The following PCDHGA6 variants were observed in gnomAD, a reference collection of about 807,000 sequenced individuals.
PCDHGA6 encodes the protein protocadherin gamma subfamily A, 6.
A neutral mutation model predicts 60.6 loss-of-function variants in PCDHGA6; 41 were observed. That is an observed-to-expected ratio of 0.68 (90% confidence interval 0.53 to 0.88). The LOEUF (loss-of-function observed/expected upper bound fraction) is 0.88. Among genes scored for constraint, PCDHGA6 ranks in the 40% least tolerant of loss-of-function variants. The probability of loss-of-function intolerance (pLI) is 0.00; values close to 1 mark genes in which losing one functional copy is unlikely to be tolerated. For synonymous variants in PCDHGA6, 594 were observed against 524.4 expected, an observed-to-expected ratio of 1.13 and a Z score of -1.81; for missense variants, 1,312 against 1,203.0, an observed-to-expected ratio of 1.09 and a Z score of -1.34.
At position 141,477,758 on chromosome 5, in the gene PCDHGA6, G is replaced by A; in HGVS notation, c.2425-17049G>A. 2 of 1,613,924 alleles carry A rather than the reference G, an allele frequency of 1.2e-6. No homozygotes were observed. The highest frequency in any genetic ancestry group is 1.7e-5 in the Admixed American group (1 of 60,022). On this transcript the variant is annotated intron_variant, in intron 1 of 3. Transcript: ENST00000517434. The surrounding 1 kb of genome is among the most constrained non-coding windows in gnomAD (Gnocchi z 4.9). ...CAGCGATGGGGGCACCCCGGTCCTA[G>A]CCACCAACATCAGCGTGAACATATT...
At chr5:141,399,515 C>G (rs748098945) in intron 1 of PCDHGA6, 1 of 1,614,040 alleles carries the variant, frequency 6.2e-7, no homozygotes, top group Non-Finnish European at 8.5e-7. Context: ...AACAACCCTC[C>G]TGGGGCCTCC....
intron 1 of PCDHGA6, chr5:141,388,455 T>C: frequency 6.2e-7 from 1 of 1,613,784 alleles, no homozygotes; most frequent in South Asian, 1.1e-5. Flanking sequence ...TGGCAGTAAA[T>C]ACCCTGAGAT....
intron 1 of PCDHGA6, chr5:141,414,917 T>A: frequency 6.2e-7 from 1 of 1,614,148 alleles, no homozygotes; most frequent in Non-Finnish European, 8.5e-7. Context: ...GGCGTGGAGC[T>A]GGCGCCCCGC....
rs763067110 is a variant in PCDHGA6, at chr5:141,375,730, C to G, written c.1647C>G (p.Ser549Arg). 3 of 1,614,266 alleles carry G rather than the reference C, an allele frequency of 1.9e-6. No homozygotes were observed. The highest frequency in any genetic ancestry group is 2.5e-6 in the Non-Finnish European group (3 of 1,180,050). Residue 549 changes from serine (S) to arginine (R), a missense_variant, in exon 1 of 4, where the codon AGC (serine) becomes AGG (arginine). Physicochemically the swap from Ser to Arg is moderately radical, Grantham distance 110. Transcript: ENST00000517434. ...DPPLSSNVSL[S>R]LFVLDQNDNA... ...CTCTTAGCAGCAACGTGTCACTGAG[C>G]CTGTTTGTGCTGGACCAGAATGACA...
At chr5:141,385,196 G>A (rs760255338) in intron 1 of PCDHGA6, 3 of 1,614,230 alleles carry the variant, frequency 1.9e-6, no homozygotes, top group Non-Finnish European at 2.5e-6. Context: ...TCTCGGAAGA[G>A]TCACCTGATC....
In PCDHGA6 at chr5:141,406,055, T is replaced by C. The variant is rs2094752189; in HGVS notation, c.2424+29548T>C. 5.3e-5 allele frequency among the ~76,000 whole-genome samples: 8 copies of C among 150,380 alleles called. No individual in the cohort carries two copies. In the South Asian group the frequency reaches 1.5e-3, roughly 28 times the overall value. On this transcript the variant is annotated intron_variant, in intron 1 of 3. Transcript: ENST00000517434. ...CTTCATTGGTTGCAGTGGACTCATA[T>C]CATAAAATTCTTACTCCTTTTTTTT...
chr5:141,416,016 G>C (rs190922355), intron 1 of PCDHGA6: 29 of 227,390 alleles, frequency 1.3e-4, no homozygotes, highest in Non-Finnish European at 2.2e-4. Context: ...GAATAGGTAA[G>C]TATCAGAAAG....
chr5:141,408,720 A>T, intron 1 of PCDHGA6: 1 of 1,611,332 alleles, frequency 6.2e-7, no homozygotes, highest in Non-Finnish European at 8.5e-7. Context: ...TATAAGATAA[A>T]CTCTAATCCT....
Position 141,512,147 on chromosome 5 carries a change from GGCTGA to G in PCDHGA6, c.*978_*982del, listed in dbSNP as rs1406468661. The G allele has an allele frequency of 1.3e-5, 2 of 152,652 alleles. No homozygotes were observed. Among genetic ancestry groups the G allele is most frequent in the Admixed American group, 6.5e-5 (1 of 15,286 alleles). The allele number at this position is 152,652 out of a possible 1,614,324, so 9.5% of individuals were successfully genotyped here. A position where few individuals can be genotyped will look rare whatever the true frequency, so the allele number is the denominator to read the frequency against. On this transcript the variant is annotated 3_prime_UTR_variant, in exon 4 of 4. Coordinates refer to ENST00000517434, the MANE Select transcript of PCDHGA6 (RefSeq NM_018919.3). ...GGCTCAGCCCAGGCAGCCAGCTTTG[GGCTGA>G]GCTAACAGGACCAATGGATTAAACT... is the stretch of plus-strand genomic sequence containing the variant.
At chr5:141,388,686 G>A (rs1196254559) in intron 1 of PCDHGA6, 5 of 1,613,980 alleles carry the variant, frequency 3.1e-6, no homozygotes, top group Non-Finnish European at 4.2e-6. Context: ...GACTGCCACG[G>A]ACCAGGATGA....
rs754953894 is a variant in PCDHGA6 at position 141,409,856 on chromosome 5, G to T, written c.2424+33349G>T. 4.0e-5 allele frequency: 64 copies of T among 1,612,232 alleles called. No individual in the cohort carries two copies. Among genetic ancestry groups the T allele is most frequent in the Non-Finnish European group, 5.3e-5 (62 of 1,179,390 alleles). On this transcript the variant is annotated intron_variant, in intron 1 of 3. Coordinates refer to ENST00000517434, the MANE Select transcript of PCDHGA6 (RefSeq NM_018919.3). ...CGCCAACGTGAGCCTGCGCGTGTTG[G>T]TGGGAGACCGCAATGACAACGCACC... is the stretch of plus-strand genomic sequence containing the variant.
At chr5:141,421,370 A>G (rs765775416) in intron 1 of PCDHGA6, 4 of 1,613,916 alleles carry the variant, frequency 2.5e-6, no homozygotes, top group African/African-American at 1.3e-5. Flanking sequence ...TTCGTGGGCA[A>G]TATCTCCAAG....
At position 141,491,462 on chromosome 5, in the gene PCDHGA6, T is replaced by C; in HGVS notation, c.2425-3345T>C. 1.2e-6 allele frequency: 2 copies of C among 1,614,004 alleles called. No individual in the cohort carries two copies. The highest frequency in any genetic ancestry group is 1.7e-6 in the Non-Finnish European group (2 of 1,179,978). ...CGCCAGGACTCACCCTCCCCGGACT[T>C]CTATAAGCAGTCCAGCCCCAACCTG... On this transcript the variant is annotated intron_variant, in intron 1 of 3. Coordinates refer to ENST00000517434, the MANE Select transcript of PCDHGA6 (RefSeq NM_018919.3). This position sits in a 1 kb window ranked among gnomAD's most constrained non-coding sequence, Gnocchi z 6.9.
At chr5:141,426,514 G>A (rs867794856) in intron 1 of PCDHGA6, 22 of 340,738 alleles carry the variant, frequency 6.5e-5, no homozygotes, top group Non-Finnish European at 8.2e-5. Context: ...ATACTTTACC[G>A]TGAACACGGA....
chr5:141,408,789 T>C, intron 1 of PCDHGA6: 1 of 1,612,724 alleles, frequency 6.2e-7, no homozygotes, highest in Non-Finnish European at 8.5e-7. Context: ...GAGTTATCTC[T>C]GGAGAAACTC....
At chr5:141,418,898 A>G (rs768409383) in intron 1 of PCDHGA6, 2 of 1,614,016 alleles carry the variant, frequency 1.2e-6, no homozygotes, top group South Asian at 2.2e-5. Flanking sequence ...CAGCCCAGAA[A>G]TAATCATCAC....
At chr5:141,383,499 G>A (rs1779188122) in intron 1 of PCDHGA6, 1 of 1,612,970 alleles carries the variant, frequency 6.2e-7, no homozygotes. Flanking sequence ...AGCGGGTGCT[G>A]GACCGGGAGG....
chr5:141,421,795 GC>G, intron 1 of PCDHGA6: 1 of 1,613,818 alleles, frequency 6.2e-7, no homozygotes, highest in East Asian at 2.2e-5. Context: ...AACGGATGGG[GC>G]CAAGAATCCA....
intron 1 of PCDHGA6, among the ~76,000 whole-genome samples, chr5:141,455,899 ATTT>A (rs1561962776): frequency 1.3e-5 from 2 of 148,258 alleles, no homozygotes; most frequent in Non-Finnish European, 3.0e-5. Flanking sequence ...TTATTTATTT[ATTT>A]ATTTATTTAT....
Sources: allele counts gnomAD v4.1 joint callset (sites outside exome capture counted in the v4.1 genomes callset), GRCh38; gene constraint gnomAD v4.1.1; non-coding constraint Gnocchi (gnomAD v3.1); transcripts MANE v1.5; gene names NCBI Gene and HGNC (gene_info 2026-07-23, HGNC 2026-07-21).